Variants in PAK1IP1 observed in about 807,000 individuals in gnomAD.
PAK1IP1 encodes p21-activated protein kinase-interacting protein 1.
Under a neutral mutation model 42.0 loss-of-function variants are expected in PAK1IP1, and 24 were observed. The observed-to-expected ratio is 0.57, with a 90% confidence interval of 0.41 to 0.80. PAK1IP1 has a LOEUF of 0.80. PAK1IP1 is among the 30% of genes least tolerant of loss of function. The probability of loss-of-function intolerance (pLI) is 0.00; values close to 1 mark genes in which losing one functional copy is unlikely to be tolerated. For missense variants in PAK1IP1, 411 were observed against 467.9 expected, an observed-to-expected ratio of 0.88 and a Z score of 1.12; for synonymous variants, 154 against 156.7, an observed-to-expected ratio of 0.98 and a Z score of 0.13.
At chr6:10,703,501 G>A (rs772100071) in intron 5 of PAK1IP1, 44 bp downstream of exon 5, 3 of 1,425,114 alleles carry the variant, frequency 2.1e-6, no homozygotes, top group Non-Finnish European at 2.9e-6. Context: ...TTCCTAATCT[G>A]GAAATCTGAA....
upstream of PAK1IP1, among the ~76,000 whole-genome samples, chr6:10,693,943 C>A (rs950290104): frequency 1.1e-4 from 17 of 152,084 alleles, no homozygotes; most frequent in Admixed American, 1.1e-3. Flanking sequence ...TGCTCAGGCT[C>A]ACTTTGTTTT....
chr6:10,704,711 A>C lies in PAK1IP1; in HGVS notation c.643-36A>C, dbSNP rs780337164. On this transcript the variant is annotated intron_variant, in intron 6 of 9. Coordinates refer to ENST00000379568, the MANE Select transcript of PAK1IP1 (RefSeq NM_017906.3). ...GGTGATGGTTGGAACTGTTGATGAC[A>C]TTCTGGATGTTATTACTCTTTTTCC... is the stretch of plus-strand genomic sequence containing the variant. 12 of 1,597,350 alleles carry C rather than the reference A, an allele frequency of 7.5e-6. No homozygotes were observed. In the Admixed American group the frequency reaches 1.8e-4, roughly 24 times the overall value.
chr6:10,706,928 G>T (rs1282516667), intron 7 of PAK1IP1, among the ~76,000 whole-genome samples: 1 of 151,768 alleles, frequency 6.6e-6, no homozygotes, highest in East Asian at 1.9e-4. Flanking sequence ...AAAGAAAATT[G>T]TTAAGGGGCA....
chr6:10,704,496 TCCAC>T lies in PAK1IP1; in HGVS notation c.497-10_497-7del. On this transcript the variant is annotated splice_polypyrimidine_tract_variant and splice_region_variant and intron_variant, in intron 5 of 9. Coordinates refer to ENST00000379568, the MANE Select transcript of PAK1IP1 (RefSeq NM_017906.3). ...ACAAAATAAATAAACTTCGTTTTTT[TCCAC>T]TTACAGATGCTCACATAGTAGAATG... The T allele has an allele frequency of 6.6e-7, 1 of 1,519,688 alleles. No individual in the cohort carries two copies. Among genetic ancestry groups the T allele is most frequent in the Non-Finnish European group, 8.9e-7 (1 of 1,125,538 alleles). 94.1% of individuals were successfully genotyped at this position (1,519,688 alleles called of 1,614,324 possible). A position where few individuals can be genotyped will look rare whatever the true frequency, so the allele number is the denominator to read the frequency against.
chr6:10,701,908 AC>A (rs1328576513), intron 2 of PAK1IP1, among the ~76,000 whole-genome samples: 1 of 152,218 alleles, frequency 6.6e-6, no homozygotes, highest in Non-Finnish European at 1.5e-5. Context: ...AACTGTACTT[AC>A]ATGAAAAAAT....
chr6:10,704,372 G>C, intron 5 of PAK1IP1, 135 bp from the exon 6 acceptor site: 2 of 625,646 alleles, frequency 3.2e-6, no homozygotes, highest in South Asian at 4.5e-5. Flanking sequence ...AACTTGACTT[G>C]TAAAATGTGT....
At chr6:10,703,891 C>A (rs1770119016) in intron 5 of PAK1IP1, among the ~76,000 whole-genome samples, 1 of 152,216 alleles carries the variant, frequency 6.6e-6, no homozygotes, top group Non-Finnish European at 1.5e-5. Flanking sequence ...TATTTCCCTG[C>A]ATGGTGGTGG....
chr6:10,700,527 G>A (rs1243461232), intron 2 of PAK1IP1, among the ~76,000 whole-genome samples: 3 of 152,200 alleles, frequency 2.0e-5, no homozygotes, highest in Non-Finnish European at 4.4e-5. Flanking sequence ...ATGGCAGACT[G>A]TCCATTGCTG....
At chr6:10,701,048 T>C (rs1267560841) in intron 2 of PAK1IP1, among the ~76,000 whole-genome samples, 1 of 151,978 alleles carries the variant, frequency 6.6e-6, no homozygotes, top group Non-Finnish European at 1.5e-5. Flanking sequence ...ATGTGGTGTT[T>C]GGTTTTCTTT....
chr6:10,697,664 T>G (rs1051483623), intron 2 of PAK1IP1, among the ~76,000 whole-genome samples, 178 bp downstream of exon 2: 13 of 152,016 alleles, frequency 8.6e-5, no homozygotes, highest in African/African-American at 2.9e-4. Context: ...TCCCAGCACT[T>G]TGGGAGGCTG....
Position 10,702,466 on chromosome 6 carries a change from C to T in PAK1IP1, c.345C>T (p.Cys115=). ...TCTGGGATGCAAAGAAATGGGAATG[C>T]CTGAAGTCAATTAAAGCTCACAAGT... ...ICIWDAKKWE[C]LKSIKAHKGQ... is the part of the protein sequence containing the mutation. Residue 115 remains cysteine (C), a synonymous_variant, in exon 3 of 10, where the codon TGC becomes TGT. Coordinates refer to ENST00000379568, the MANE Select transcript of PAK1IP1 (RefSeq NM_017906.3). 6.2e-7 allele frequency: 1 copy of T among 1,613,856 alleles called. No homozygotes were observed. Among genetic ancestry groups the T allele is most frequent in the Non-Finnish European group, 8.5e-7 (1 of 1,179,926 alleles).
intron 5 of PAK1IP1, among the ~76,000 whole-genome samples, 189 bp downstream of exon 5, chr6:10,703,646 CCT>C (rs1561893318): frequency 6.6e-6 from 1 of 152,188 alleles, no homozygotes; most frequent in African/African-American, 2.4e-5. Flanking sequence ...TGTAAAATTA[CCT>C]TCCGGCTAGG....
intron 2 of PAK1IP1, among the ~76,000 whole-genome samples, chr6:10,699,745 G>A (rs1006744153): frequency 1.8e-4 from 28 of 152,288 alleles, no homozygotes; most frequent in African/African-American, 5.5e-4. Context: ...CCAGGCATTG[G>A]TTTCCAGCAG....
chr6:10,691,196 G>C (rs141068327), upstream of PAK1IP1, among the ~76,000 whole-genome samples: 326 of 152,264 alleles, frequency 2.1e-3, 2 homozygotes, highest in African/African-American at 7.4e-3. Context: ...TTTTGAAACA[G>C]TACTTAAATT....
At chr6:10,694,339 G>A (rs1006572113), upstream of PAK1IP1, among the ~76,000 whole-genome samples, 4 of 151,836 alleles carry the variant, frequency 2.6e-5, no homozygotes, top group South Asian at 2.1e-4. Context: ...CAGCCCCAGA[G>A]TTAGACAAGC....
chr6:10,695,202 T>A, intron 1 of PAK1IP1, 133 bp downstream of exon 1: 1 of 622,302 alleles, frequency 1.6e-6, no homozygotes, highest in Non-Finnish European at 2.9e-6. Flanking sequence ...CTAAGAGACT[T>A]AAGAGAAAAG....
At chr6:10,705,750 C>A (rs574152975) in intron 7 of PAK1IP1, among the ~76,000 whole-genome samples, 6 of 152,256 alleles carry the variant, frequency 3.9e-5, no homozygotes, top group African/African-American at 1.2e-4. Flanking sequence ...AAAAGGTGAT[C>A]TAATATACAG....
At position 10,695,039 on chromosome 6, in the gene PAK1IP1, C is replaced by T. The variant is rs768716813; in HGVS notation, c.54C>T (p.His18=). 1 of 1,602,656 alleles carries T rather than the reference C, an allele frequency of 6.2e-7. No individual in the cohort carries two copies. Among genetic ancestry groups the T allele is most frequent in the African/African-American group, 1.3e-5 (1 of 74,808 alleles). Residue 18 remains histidine, a synonymous_variant, in exon 1 of 10, where the codon CAC becomes CAT. Transcript: ENST00000379568. ...AGGTCCTCTTTGGGTTCGCTGTACACCCGGAGCCCGAGGCTTGCGGCGACC... is the reference window on the plus strand; with the variant it reads ...AGGTCCTCTTTGGGTTCGCTGTACATCCGGAGCCCGAGGCTTGCGGCGACC... ...YEQVLFGFAV[H]PEPEACGDHE...
At position 10,709,676 on chromosome 6, in the gene PAK1IP1, ATAAT is replaced by A. The variant is rs1378468505; in HGVS notation, c.*225_*228del. 1 of 302,374 alleles carries A rather than the reference ATAAT, an allele frequency of 3.3e-6. No individual in the cohort carries two copies. Among genetic ancestry groups the A allele is most frequent in the Non-Finnish European group, 5.8e-6 (1 of 172,754 alleles). 18.7% of individuals were successfully genotyped at this position (302,374 alleles called of 1,614,324 possible). A position where few individuals can be genotyped will look rare whatever the true frequency, so the allele number is the denominator to read the frequency against. On this transcript the variant is annotated 3_prime_UTR_variant, in exon 10 of 10. Coordinates refer to ENST00000379568, the MANE Select transcript of PAK1IP1 (RefSeq NM_017906.3). ...TATGAATTATGTATCATGTTGATAT[ATAAT>A]ATGTTAATGTGTCATGTAATTTTTA...
Sources: gnomAD v4.1 joint callset for allele counts (sites outside exome capture counted in the v4.1 genomes callset) on GRCh38, gnomAD v4.1.1 for gene constraint, MANE v1.5 for transcripts, NCBI Gene and HGNC (gene_info 2026-07-23, HGNC 2026-07-21) for gene names.